Variants in MRTFA observed in about 807,000 individuals in gnomAD.
MRTFA encodes myocardin related transcription factor A, also known as myocardin-related transcription factor A.
A neutral mutation model predicts 83.5 loss-of-function variants in MRTFA; 20 were observed. That is an observed-to-expected ratio of 0.24 (90% CI 0.17 to 0.35). The LOEUF is 0.35. MRTFA is among the 10% of genes least tolerant of loss of function. The pLI, the probability that MRTFA is intolerant of heterozygous loss-of-function variation, is 1.00. For missense variants in MRTFA, 1,200 were observed against 1,224.7 expected (o/e 0.98, Z 0.30); for synonymous variants, 659 against 541.2 (o/e 1.22, Z -3.02).
At chr22:40,474,835 G>A (rs959013020) in intron 3 of MRTFA, among the ~76,000 whole-genome samples, 2 of 152,072 alleles carry the variant, frequency 1.3e-5, no homozygotes, top group African/African-American at 4.8e-5. Context: ...GTATTCAAAT[G>A]GCTTTTTTTT....
rs896079353 is a variant in MRTFA at position 40,477,218 on chromosome 22, C to T, written c.242-13932G>A. 2.7e-5 allele frequency among the ~76,000 whole-genome samples: 4 copies of T among 145,698 alleles called. No homozygotes were observed. The East Asian group carries it at 6.0e-4, about 22-fold the overall frequency. ...AAAAAAAAATAGCCGGGCATGGTGGCGGGCACTTGTAATCCCAGCTACTCG... is the reference window on the plus strand; with the variant it reads ...AAAAAAAAATAGCCGGGCATGGTGGTGGGCACTTGTAATCCCAGCTACTCG... On this transcript the variant is annotated intron_variant, in intron 3 of 14. Transcript: ENST00000355630.
At chr22:40,545,067 T>C (rs1896987635) in intron 3 of MRTFA, among the ~76,000 whole-genome samples, 1 of 151,936 alleles carries the variant, frequency 6.6e-6, no homozygotes, top group South Asian at 2.1e-4. Context: ...ATATAATTAG[T>C]AAAAGAAATC....
At chr22:40,490,596 C>A in intron 3 of MRTFA, among the ~76,000 whole-genome samples, 1 of 138,194 alleles carries the variant, frequency 7.2e-6, no homozygotes, top group African/African-American at 2.7e-5. Context: ...GAGATTCCAT[C>A]TCAAAAAAAA....
rs771855607 is a variant in MRTFA at position 40,423,554 on chromosome 22, G to A, written c.909C>T (p.Ser303=). ...AATGTACCTTAATGAGTGTGGGGGT[G>A]GACTTGGCAGTGGGGATAGTGGTTC... The change falls in exon 9 of 15, where the codon TCC becomes TCT. Residue 303 remains serine, a synonymous_variant. Transcript: ENST00000355630. 7.6e-6 allele frequency: 12 copies of A among 1,569,808 alleles called. No individual in the cohort carries two copies. The highest frequency in any genetic ancestry group is 9.5e-6 in the Non-Finnish European group (11 of 1,155,606).
intron 3 of MRTFA, among the ~76,000 whole-genome samples, chr22:40,483,854 T>C (rs886597492): frequency 2.0e-5 from 3 of 151,992 alleles, no homozygotes; most frequent in African/African-American, 7.3e-5. Context: ...AGTAGCATGC[T>C]TGACCAATTT....
chr22:40,565,926 C>G (rs564190014), intron 2 of MRTFA, among the ~76,000 whole-genome samples: 11 of 152,166 alleles, frequency 7.2e-5, no homozygotes, highest in African/African-American at 2.6e-4. Context: ...CTAAATTATC[C>G]ATAATTTTTT....
At chr22:40,585,701 G>C (rs967932149) in intron 2 of MRTFA, among the ~76,000 whole-genome samples, 1 of 152,212 alleles carries the variant, frequency 6.6e-6, no homozygotes, top group Non-Finnish European at 1.5e-5. Flanking sequence ...CAGGGGATGA[G>C]AGTTAGCAGA....
chr22:40,589,391 C>T (rs908696478), intron 2 of MRTFA, among the ~76,000 whole-genome samples: 2 of 152,178 alleles, frequency 1.3e-5, no homozygotes, highest in South Asian at 4.1e-4. Flanking sequence ...CTCATAAAAA[C>T]GTATGAGGTA....
At chr22:40,629,775 CA>C (rs766356425) in intron 1 of MRTFA, among the ~76,000 whole-genome samples, 3,021 of 40,384 alleles carry the variant, frequency 0.075, 27 homozygotes, top group Middle Eastern at 0.11. Flanking sequence ...GATTCCATCT[CA>C]AAAAAAAAAA....
chr22:40,468,986 T>C (rs1442780169), intron 3 of MRTFA, among the ~76,000 whole-genome samples: 1 of 152,172 alleles, frequency 6.6e-6, no homozygotes, highest in African/African-American at 2.4e-5. Context: ...GAAAGTAAAT[T>C]AATAGATGTC....
In MRTFA at chr22:40,430,857, T is replaced by A. The variant is rs1286231795; in HGVS notation, c.439+548A>T. On this transcript the variant is annotated intron_variant, in intron 6 of 14. Coordinates refer to ENST00000355630, the MANE Select transcript of MRTFA (RefSeq NM_020831.6). ...GCCTGAGCAGCAGAGCAAGACTCCA[T>A]CACAAAAAAAAAAAAAAAAAAAAAG... 5.1e-3 allele frequency among the ~76,000 whole-genome samples: 275 copies of A among 54,100 alleles called. 1 individual carries two copies. Among genetic ancestry groups the A allele is most frequent in the African/African-American group, 0.02 (258 of 12,874 alleles). The allele number at this position is 54,100 out of a possible 152,430, so 35.5% of individuals were successfully genotyped here.
chr22:40,466,282 T>C (rs974001039), intron 3 of MRTFA, among the ~76,000 whole-genome samples: 1 of 152,190 alleles, frequency 6.6e-6, no homozygotes, highest in South Asian at 2.1e-4. Context: ...TCAGACCCTG[T>C]GTTAAGTGAC....
At chr22:40,421,158 G>A in intron 9 of MRTFA, 58 bp from the exon 10 acceptor site, 1 of 1,501,164 alleles carries the variant, frequency 6.7e-7, no homozygotes, top group South Asian at 1.4e-5. Flanking sequence ...CTCGGGGTGG[G>A]GCTGGCAACT....
intron 3 of MRTFA, among the ~76,000 whole-genome samples, chr22:40,536,163 T>C (rs1602399119): frequency 6.8e-6 from 1 of 147,890 alleles, no homozygotes; most frequent in Non-Finnish European, 1.5e-5. Context: ...AAAAGCCAGG[T>C]ATGGTGATGC....
intron 2 of MRTFA, among the ~76,000 whole-genome samples, chr22:40,588,383 A>C (rs950504268): frequency 6.6e-6 from 1 of 152,202 alleles, no homozygotes; most frequent in Non-Finnish European, 1.5e-5. Flanking sequence ...CAAAGTATTT[A>C]GCTTAATTTC....
chr22:40,574,886 A>G (rs748531317), intron 2 of MRTFA, among the ~76,000 whole-genome samples: 3 of 152,226 alleles, frequency 2.0e-5, no homozygotes, highest in Non-Finnish European at 4.4e-5. Context: ...CTCCATGAAT[A>G]CTGATGAACG....
intron 3 of MRTFA, among the ~76,000 whole-genome samples, chr22:40,538,854 T>G (rs915406059): frequency 5.3e-5 from 8 of 152,132 alleles, no homozygotes; most frequent in Non-Finnish European, 7.4e-5. Context: ...AAATGAGAGA[T>G]AATGATCTTA....
intron 3 of MRTFA, among the ~76,000 whole-genome samples, chr22:40,498,408 C>T (rs2054399035): frequency 6.7e-6 from 1 of 148,162 alleles, no homozygotes; most frequent in South Asian, 2.2e-4. Flanking sequence ...CCTCAGCCTC[C>T]CAAGTAGCGG....
At position 40,625,606 on chromosome 22, in the gene MRTFA, T is replaced by C. The variant is rs186783783; in HGVS notation, c.-84+10872A>G. Among the ~76,000 whole-genome samples, 703 of 152,090 alleles carry C rather than the reference T, an allele frequency of 4.6e-3. 8 individuals carry two copies. The highest frequency in any genetic ancestry group is 9.4e-3 in the Non-Finnish European group (636 of 67,966). Reference sequence around the variant, plus strand: ...CAGCCTGGCCAATATGGTGAAACCCTATCTCTACTAAAAACACAAAAATTA... The same window carrying C: ...CAGCCTGGCCAATATGGTGAAACCCCATCTCTACTAAAAACACAAAAATTA... On this transcript the variant is annotated intron_variant, in intron 1 of 14. Coordinates refer to ENST00000355630, the MANE Select transcript of MRTFA (RefSeq NM_020831.6).
Sources: gnomAD v4.1 joint callset for allele counts (sites outside exome capture counted in the v4.1 genomes callset) on GRCh38, gnomAD v4.1.1 for gene constraint, MANE v1.5 for transcripts, NCBI Gene and HGNC (gene_info 2026-07-23, HGNC 2026-07-21) for gene names.